KHDRBS3: variants seen among roughly 807,000 people sequenced by gnomAD.
KHDRBS3 encodes the protein KH RNA binding domain containing, signal transduction associated 3.
In KHDRBS3, 23 loss-of-function variants were observed where a neutral mutation model predicts 45.6. That is an observed-to-expected ratio of 0.50 (90% CI 0.36 to 0.72). The LOEUF is 0.72. Among genes scored for constraint, KHDRBS3 ranks in the 30% least tolerant of loss-of-function variants. The pLI, the probability that KHDRBS3 is intolerant of heterozygous loss-of-function variation, is 0.00. For missense variants in KHDRBS3, 352 were observed against 424.8 expected, an observed-to-expected ratio of 0.83 and a Z score of 1.51; for synonymous variants, 162 against 156.5, an observed-to-expected ratio of 1.04 and a Z score of -0.26.
intron 1 of KHDRBS3, among the ~76,000 whole-genome samples, chr8:135,485,118 C>T (rs150071872): frequency 1.1e-3 from 170 of 152,252 alleles, no homozygotes; most frequent in African/African-American, 3.3e-3. Flanking sequence ...TTCTTCAGTG[C>T]GCTCCTTTGC....
intron 7 of KHDRBS3, among the ~76,000 whole-genome samples, chr8:135,610,481 G>A (rs1417203511): frequency 1.3e-5 from 2 of 151,702 alleles, no homozygotes; most frequent in Admixed American, 6.6e-5. Flanking sequence ...TGTCCATTTT[G>A]TGCTAGGCAT....
intron 5 of KHDRBS3, among the ~76,000 whole-genome samples, chr8:135,567,072 T>G (rs1239211279): frequency 1.3e-5 from 2 of 152,184 alleles, no homozygotes; most frequent in Admixed American, 6.5e-5. Flanking sequence ...GCCTGCATAT[T>G]AACGCCCTTG....
chr8:135,460,802 T>G (rs1186473210), intron 1 of KHDRBS3, among the ~76,000 whole-genome samples: 3 of 152,238 alleles, frequency 2.0e-5, no homozygotes, highest in African/African-American at 4.8e-5. Context: ...CTCCTGTGAC[T>G]AGTGTATTAG....
At chr8:135,541,259 A>C (rs948556516) in intron 2 of KHDRBS3, 4 of 152,222 alleles carry the variant, frequency 2.6e-5, no homozygotes, top group African/African-American at 9.6e-5. Flanking sequence ...AAAGATAATA[A>C]AAGTAAATGG....
chr8:135,557,630 G>A, intron 5 of KHDRBS3, 43 bp downstream of exon 5: 1 of 1,493,802 alleles, frequency 6.7e-7, no homozygotes, highest in Admixed American at 1.8e-5. Context: ...CGTGGCAGCA[G>A]TTTTAATATT....
chr8:135,512,780 G>T (rs903649915), intron 1 of KHDRBS3, among the ~76,000 whole-genome samples: 1 of 151,880 alleles, frequency 6.6e-6, no homozygotes. Context: ...TTACCATCTT[G>T]TTGTTGGGCA....
Position 135,630,974 on chromosome 8 carries a change from C to T in KHDRBS3, c.891-14085C>T, listed in dbSNP as rs969320191. Among the ~76,000 whole-genome samples the T allele has an allele frequency of 5.9e-5, 9 of 151,972 alleles. No homozygotes were observed. In the South Asian group the frequency reaches 1.5e-3, roughly 25 times the overall value. On this transcript the variant is annotated intron_variant, in intron 7 of 8. Coordinates refer to ENST00000355849, the MANE Select transcript of KHDRBS3 (RefSeq NM_006558.3). ...TATTAAAAAGTGTTTTTCGGCCGGG[C>T]GCGGTGGCTCACGCCTGTAATCCCA...
chr8:135,473,570 T>C (rs1246644446), intron 1 of KHDRBS3, among the ~76,000 whole-genome samples: 1 of 152,180 alleles, frequency 6.6e-6, no homozygotes, highest in Admixed American at 6.5e-5. Flanking sequence ...CAACCTTTGA[T>C]GTATAAATTG....
intron 2 of KHDRBS3, among the ~76,000 whole-genome samples, chr8:135,529,739 G>A (rs1213686433): frequency 6.6e-6 from 1 of 152,122 alleles, no homozygotes; most frequent in Non-Finnish European, 1.5e-5. Context: ...TTACATGTAT[G>A]TTTGTCACAA....
chr8:135,501,130 G>T (rs530527922), intron 1 of KHDRBS3, among the ~76,000 whole-genome samples: 2 of 152,232 alleles, frequency 1.3e-5, no homozygotes, highest in East Asian at 3.9e-4. Flanking sequence ...ATAAATGCTG[G>T]TTCCCATCTC....
chr8:135,576,902 A>G lies in KHDRBS3; in HGVS notation c.612-4976A>G, dbSNP rs112351607. Among the ~76,000 whole-genome samples the G allele has an allele frequency of 2.9e-3, 437 of 152,262 alleles. 3 individuals carry two copies. The highest frequency in any genetic ancestry group is 9.8e-3 in the African/African-American group (406 of 41,544). On this transcript the variant is annotated intron_variant, in intron 5 of 8. Coordinates refer to ENST00000355849, the MANE Select transcript of KHDRBS3 (RefSeq NM_006558.3). ...ACATGAGTTCATAATGATGTCTCTG[A>G]TTTTAATCTGTTCCCACATTGACCA... is the stretch of plus-strand genomic sequence containing the variant.
intron 4 of KHDRBS3, chr8:135,549,282 A>T (rs112574876): frequency 2.6e-4 from 41 of 157,200 alleles, no homozygotes; most frequent in African/African-American, 9.1e-4. Flanking sequence ...GTTGGCATGC[A>T]GACTTGAATA....
At chr8:135,595,908 G>T (rs1828951997) in intron 6 of KHDRBS3, among the ~76,000 whole-genome samples, 1 of 152,128 alleles carries the variant, frequency 6.6e-6, no homozygotes, top group Non-Finnish European at 1.5e-5. Context: ...TACATATTGG[G>T]TATTGATGAA....
intron 5 of KHDRBS3, among the ~76,000 whole-genome samples, chr8:135,574,471 C>T (rs1033672831): frequency 6.6e-6 from 1 of 152,068 alleles, no homozygotes; most frequent in Admixed American, 6.5e-5. Flanking sequence ...GCATAACCAA[C>T]AATGTCAATG....
chr8:135,509,866 G>A (rs186386214), intron 1 of KHDRBS3, among the ~76,000 whole-genome samples: 2 of 151,570 alleles, frequency 1.3e-5, no homozygotes, highest in Non-Finnish European at 2.9e-5. Flanking sequence ...TCTGGATTTG[G>A]TTCTCTGGAA....
chr8:135,567,484 G>A (rs1487867331), intron 5 of KHDRBS3, among the ~76,000 whole-genome samples: 3 of 152,178 alleles, frequency 2.0e-5, no homozygotes, highest in Non-Finnish European at 4.4e-5. Flanking sequence ...GTAGCACCCC[G>A]TGCTATACTT....
At chr8:135,552,289 T>G (rs1019463771) in intron 4 of KHDRBS3, among the ~76,000 whole-genome samples, 1 of 152,168 alleles carries the variant, frequency 6.6e-6, no homozygotes, top group African/African-American at 2.4e-5. Flanking sequence ...CATGGATTTC[T>G]TACATTCAGG....
rs914871331 is a variant in KHDRBS3, at chr8:135,654,242, A to G, written c.*118-1984A>G. Among the ~76,000 whole-genome samples, 3 of 152,164 alleles carry G rather than the reference A, an allele frequency of 2.0e-5. No individual in the cohort carries two copies. In the East Asian group the frequency reaches 5.8e-4, roughly 29 times the overall value. Reference sequence around the variant, plus strand: ...TGAAAGAGCCATAATCCAAACAACTACTGACAGAGATGTAGTTAGTTTCTA... The same window carrying G: ...TGAAAGAGCCATAATCCAAACAACTGCTGACAGAGATGTAGTTAGTTTCTA... On this transcript the variant is annotated intron_variant and NMD_transcript_variant, in intron 4 of 4. Coordinates refer to the KHDRBS3 transcript ENST00000521461.
chr8:135,640,761 T>C (rs946996318), intron 7 of KHDRBS3, among the ~76,000 whole-genome samples: 9 of 152,106 alleles, frequency 5.9e-5, no homozygotes, highest in Non-Finnish European at 1.5e-5. Flanking sequence ...TTTGATGGAG[T>C]TGAGAAGTAT....
Sources: allele counts gnomAD v4.1 joint callset (sites outside exome capture counted in the v4.1 genomes callset), GRCh38; gene constraint gnomAD v4.1.1; transcripts MANE v1.5; gene names NCBI Gene and HGNC (gene_info 2026-07-23, HGNC 2026-07-21).